Variants in ASCC3 observed in about 807,000 individuals in gnomAD.
The protein encoded by ASCC3 is ASC-1 complex subunit P200.
ASCC3 carries 158 observed loss-of-function variants against 256.3 expected under a neutral mutation model. The observed-to-expected ratio is 0.62, with a 90% CI of 0.54 to 0.70. The LOEUF is 0.70. Ranked by LOEUF, ASCC3 falls within the 30% of genes least tolerant of loss-of-function variation. The pLI, the probability that ASCC3 is intolerant of heterozygous loss-of-function variation, is 0.00. For missense variants in ASCC3, 2,259 were observed against 2,626.0 expected (o/e 0.86, Z 3.05); for synonymous variants, 948 against 883.4 (o/e 1.07, Z -1.30).
rs779949620 is a variant in ASCC3, at chr6:100,650,727, A to T, written c.3076-13T>A. The T allele has an allele frequency of 1.2e-5, 19 of 1,600,572 alleles. No homozygotes were observed. Among genetic ancestry groups the T allele is most frequent in the Admixed American group, 1.7e-5 (1 of 59,838 alleles). ...CCTCTTCTCTGACCTAGAAGAATCA[A>T]TGTATTTATTGGAATTTTGGGGCTG... On this transcript the variant is annotated splice_polypyrimidine_tract_variant and intron_variant, in intron 19 of 41. Coordinates refer to ENST00000369162, the MANE Select transcript of ASCC3 (RefSeq NM_006828.4).
intron 8 of ASCC3, among the ~76,000 whole-genome samples, chr6:100,767,677 C>T (rs761114781): frequency 1.1e-4 from 17 of 152,036 alleles, no homozygotes; most frequent in Non-Finnish European, 1.9e-4. Flanking sequence ...GGCGTGATCT[C>T]GGCTCACTGC....
intron 5 of ASCC3, 120 bp downstream of exon 5, chr6:100,805,640 G>A: frequency 8.4e-7 from 1 of 1,190,346 alleles, no homozygotes; most frequent in Non-Finnish European, 1.2e-6. Context: ...ATTTAACAGA[G>A]TAATATCAGT....
chr6:100,810,407 A>G (rs1036184952), intron 4 of ASCC3, among the ~76,000 whole-genome samples: 1 of 152,178 alleles, frequency 6.6e-6, no homozygotes, highest in Non-Finnish European at 1.5e-5. Flanking sequence ...TCCTTCAAGG[A>G]AACTTTACTC....
At chr6:100,752,156 T>C (rs1780971720) in intron 10 of ASCC3, among the ~76,000 whole-genome samples, 1 of 152,156 alleles carries the variant, frequency 6.6e-6, no homozygotes, top group Non-Finnish European at 1.5e-5. Flanking sequence ...CCTGCATTAT[T>C]GCATCAGTAT....
chr6:100,728,369 C>G (rs1779735933), intron 10 of ASCC3, among the ~76,000 whole-genome samples: 1 of 151,838 alleles, frequency 6.6e-6, no homozygotes, highest in Non-Finnish European at 1.5e-5. Context: ...TGTAGAGCAA[C>G]TAGAACTCTC....
At chr6:100,875,194 G>A (rs1021640633) in intron 1 of ASCC3, among the ~76,000 whole-genome samples, 4 of 152,132 alleles carry the variant, frequency 2.6e-5, no homozygotes, top group African/African-American at 9.7e-5. Context: ...CACATAAAAG[G>A]ATGGATTTAG....
At chr6:100,637,624 T>C (rs551468902) in intron 25 of ASCC3, among the ~76,000 whole-genome samples, 1 of 152,292 alleles carries the variant, frequency 6.6e-6, no homozygotes, top group East Asian at 1.9e-4. Context: ...TTCACCATTC[T>C]AGATGCCATT....
At chr6:100,546,079 T>C (rs568024924) in intron 36 of ASCC3, among the ~76,000 whole-genome samples, 7 of 152,266 alleles carry the variant, frequency 4.6e-5, no homozygotes, top group Non-Finnish European at 1.0e-4. Flanking sequence ...AAAATTAATA[T>C]ACAAAAATTG....
chr6:100,656,223 A>T (rs1309372127), intron 16 of ASCC3, among the ~76,000 whole-genome samples: 2 of 151,732 alleles, frequency 1.3e-5, no homozygotes, highest in Non-Finnish European at 3.0e-5. Context: ...AAACAACAAA[A>T]CATTGTTAAT....
chr6:100,826,704 C>T (rs570867010), intron 4 of ASCC3, among the ~76,000 whole-genome samples: 28 of 152,100 alleles, frequency 1.8e-4, no homozygotes, highest in Admixed American at 1.3e-3. Flanking sequence ...AATGAATCAA[C>T]ATTCAGAGTA....
chr6:100,783,471 C>A (rs1782541418), intron 8 of ASCC3, among the ~76,000 whole-genome samples: 1 of 152,160 alleles, frequency 6.6e-6, no homozygotes, highest in Non-Finnish European at 1.5e-5. Flanking sequence ...CCTCCTACTC[C>A]TCCATCATGT....
At chr6:100,548,936 A>T (rs1287371542) in intron 36 of ASCC3, among the ~76,000 whole-genome samples, 1 of 151,984 alleles carries the variant, frequency 6.6e-6, no homozygotes, top group South Asian at 2.1e-4. Context: ...TTAATTTATA[A>T]ATTAGGTAGA....
chr6:100,826,241 C>T (rs933328540), intron 4 of ASCC3, among the ~76,000 whole-genome samples: 2 of 151,984 alleles, frequency 1.3e-5, no homozygotes, highest in African/African-American at 4.8e-5. Flanking sequence ...AAGCAATTCT[C>T]CTGCCTTAGC....
intron 12 of ASCC3, 106 bp downstream of exon 12, chr6:100,717,969 C>T (rs1299216314): frequency 1.9e-6 from 2 of 1,053,144 alleles, no homozygotes; most frequent in Non-Finnish European, 2.8e-6. Flanking sequence ...TTTCAGTGGA[C>T]ACCACAAAAG....
Position 100,766,600 on chromosome 6 carries a change from T to C in ASCC3, c.1702A>G (p.Met568Val), listed in dbSNP as rs1781668421. 1 of 1,613,990 alleles carries C rather than the reference T, an allele frequency of 6.2e-7. No individual in the cohort carries two copies. The highest frequency in any genetic ancestry group is 8.5e-7 in the Non-Finnish European group (1 of 1,179,974). The change falls in exon 10 of 42, where the codon ATG becomes GTG. Residue 568 changes from methionine to valine, a missense_variant. This residue lies in a region of ASCC3 where 1,839 missense variants were observed against 2,206.7 expected (regional missense o/e 0.83). Transcript: ENST00000369162. ...GIIVKELTGD[M>V]QLSKSEILRT... ...AAAATTTCACTTTTGGACAACTGCA[T>C]GTCACCAGTCAATTCTTTCACAATG...
chr6:100,696,147 T>C (rs1778071462), intron 13 of ASCC3, among the ~76,000 whole-genome samples: 4 of 152,192 alleles, frequency 2.6e-5, no homozygotes, highest in African/African-American at 9.6e-5. Flanking sequence ...AAGACTATGA[T>C]GTTATTCTCT....
chr6:100,678,003 T>G (rs1013779415), intron 14 of ASCC3, among the ~76,000 whole-genome samples: 1 of 152,068 alleles, frequency 6.6e-6, no homozygotes, highest in Non-Finnish European at 1.5e-5. Flanking sequence ...TCTAGAATAT[T>G]TCATACTATA....
chr6:100,560,465 AT>A (rs1769873869), intron 36 of ASCC3, among the ~76,000 whole-genome samples: 1 of 152,070 alleles, frequency 6.6e-6, no homozygotes, highest in South Asian at 2.1e-4. Flanking sequence ...TGCCCTGAGG[AT>A]TAGAGACTCC....
intron 13 of ASCC3, among the ~76,000 whole-genome samples, chr6:100,703,780 C>T (rs1343956440): frequency 6.6e-6 from 1 of 151,824 alleles, no homozygotes; most frequent in Non-Finnish European, 1.5e-5. Context: ...ACACCTTACC[C>T]ATAGAATGTC....
Sources: allele counts gnomAD v4.1 joint callset (sites outside exome capture counted in the v4.1 genomes callset), GRCh38; gene constraint gnomAD v4.1.1; regional missense constraint gnomAD v4.1.1; transcripts MANE v1.5; gene names NCBI Gene and HGNC (gene_info 2026-07-23, HGNC 2026-07-21).